Variants in DAB1 observed in about 807,000 individuals in gnomAD.
DAB1 encodes DAB adaptor protein 1.
In DAB1, 15 loss-of-function variants were observed where a neutral mutation model predicts 64.6. The ratio of observed to expected loss-of-function variants is 0.23; its 90% CI spans 0.16 to 0.36. DAB1 has a LOEUF of 0.36. Ranked by LOEUF, DAB1 falls within the 10% of genes least tolerant of loss-of-function variation. The probability of loss-of-function intolerance (pLI) is 1.00; values close to 1 mark genes in which losing one functional copy is unlikely to be tolerated. For missense variants in DAB1, 596 were observed against 706.7 expected (o/e 0.84, Z 1.78); for synonymous variants, 235 against 251.9 (o/e 0.93, Z 0.64).
intron 5 of DAB1, among the ~76,000 whole-genome samples, chr1:57,890,201 G>A (rs962762240): frequency 2.0e-5 from 3 of 152,084 alleles, no homozygotes; most frequent in African/African-American, 2.4e-5. Flanking sequence ...GTGTGGAAAC[G>A]AGAGTTTGGA....
chr1:58,150,871 T>C (rs1654890496), intron 4 of DAB1, among the ~76,000 whole-genome samples: 1 of 151,924 alleles, frequency 6.6e-6, no homozygotes, highest in Admixed American at 6.6e-5. Flanking sequence ...AGCCCTGGTG[T>C]GTGATGTTCC....
chr1:57,697,414 C>A (rs1646857322), intron 6 of DAB1, among the ~76,000 whole-genome samples: 1 of 111,608 alleles, frequency 9.0e-6, no homozygotes. Context: ...ACAATAAGCT[C>A]ACGTTTCTAA....
chr1:57,320,067 A>G (rs1675571375), intron 1 of DAB1, among the ~76,000 whole-genome samples: 1 of 152,158 alleles, frequency 6.6e-6, no homozygotes, highest in Non-Finnish European at 1.5e-5. Context: ...TCCGATAACA[A>G]ATGGCTTTAT....
intron 6 of DAB1, among the ~76,000 whole-genome samples, chr1:57,695,356 A>AAAGAAAGGAAG (rs1557427730): frequency 7.6e-4 from 19 of 25,148 alleles, no homozygotes; most frequent in African/African-American, 1.9e-3. Flanking sequence ...AAGAAAGAAA[A>AAAGAAAGGAAG]GAAAGAAGAA....
intron 1 of DAB1, among the ~76,000 whole-genome samples, chr1:57,312,574 G>A (rs1343648606): frequency 6.6e-6 from 1 of 152,172 alleles, no homozygotes; most frequent in Non-Finnish European, 1.5e-5. Context: ...TAAGTGAAAT[G>A]CCATAGGGAA....
chr1:57,022,545 G>A (rs185834751), intron 11 of DAB1, among the ~76,000 whole-genome samples: 13 of 152,278 alleles, frequency 8.5e-5, no homozygotes, highest in Admixed American at 3.9e-4. Flanking sequence ...AGTAATAACC[G>A]TAACTATTTT....
chr1:57,921,904 A>T (rs1447609452), intron 5 of DAB1, among the ~76,000 whole-genome samples: 1 of 152,076 alleles, frequency 6.6e-6, no homozygotes, highest in Non-Finnish European at 1.5e-5. Context: ...TCCCTTCTTG[A>T]TCTTTCTGCT....
chr1:58,471,270 A>AT (rs1645354936), intron 3 of DAB1, among the ~76,000 whole-genome samples: 1 of 152,182 alleles, frequency 6.6e-6, no homozygotes, highest in African/African-American at 2.4e-5. Flanking sequence ...GATAAAAGAC[A>AT]TAGGTAAAAA....
intron 6 of DAB1, among the ~76,000 whole-genome samples, chr1:57,753,783 T>G (rs966179484): frequency 5.9e-5 from 9 of 152,176 alleles, no homozygotes; most frequent in African/African-American, 2.2e-4. Flanking sequence ...GCAGTGAAGT[T>G]CTGGGACATT....
At chr1:58,010,371 A>C (rs997538004) in intron 5 of DAB1, among the ~76,000 whole-genome samples, 2 of 152,236 alleles carry the variant, frequency 1.3e-5, no homozygotes, top group Non-Finnish European at 2.9e-5. Flanking sequence ...AAGAATTCTC[A>C]GAGCAATTAC....
At chr1:57,695,110 G>A (rs2101719387) in intron 6 of DAB1, among the ~76,000 whole-genome samples, 1 of 151,780 alleles carries the variant, frequency 6.6e-6, no homozygotes, top group South Asian at 2.1e-4. Flanking sequence ...TGTAATCCCA[G>A]CTACTCAGGA....
At chr1:58,525,393 T>C (rs946488627) in intron 2 of DAB1, among the ~76,000 whole-genome samples, 1 of 151,992 alleles carries the variant, frequency 6.6e-6, no homozygotes, top group Admixed American at 6.6e-5. Flanking sequence ...AAGGAAGAAA[T>C]AAAGGTTGCT....
chr1:58,008,713 C>T (rs1646624202), intron 5 of DAB1, among the ~76,000 whole-genome samples: 1 of 152,124 alleles, frequency 6.6e-6, no homozygotes, highest in Non-Finnish European at 1.5e-5. Flanking sequence ...CATCTTCCAC[C>T]TATGAAAGAC....
At chr1:58,241,958 CT>C (rs1171093953) in intron 4 of DAB1, among the ~76,000 whole-genome samples, 1 of 152,084 alleles carries the variant, frequency 6.6e-6, no homozygotes, top group African/African-American at 2.4e-5. Context: ...CTCAGAAATA[CT>C]ACTTTTGGGA....
chr1:57,293,584 C>G (rs1259930749), intron 1 of DAB1, among the ~76,000 whole-genome samples: 2 of 152,096 alleles, frequency 1.3e-5, no homozygotes, highest in African/African-American at 4.8e-5. Flanking sequence ...GCCACCTGGC[C>G]GGTATGTGAC....
chr1:57,482,477 TAAAAAAAAAAAAAAAAA>T (rs918167439), intron 7 of DAB1, among the ~76,000 whole-genome samples: 1 of 61,184 alleles, frequency 1.6e-5, no homozygotes, highest in Non-Finnish European at 3.4e-5. Context: ...CTGAAAGTTG[TAAAAAAAAAAAAAAAAA>T]AAAAAAAAAA....
At chr1:57,542,730 C>T (rs912841951) in intron 7 of DAB1, among the ~76,000 whole-genome samples, 3 of 152,084 alleles carry the variant, frequency 2.0e-5, no homozygotes, top group African/African-American at 7.3e-5. Flanking sequence ...CAGTATTCAG[C>T]CTCCAAGATG....
intron 4 of DAB1, among the ~76,000 whole-genome samples, chr1:58,167,636 C>T (rs1379038433): frequency 6.6e-6 from 1 of 152,232 alleles, no homozygotes; most frequent in African/African-American, 2.4e-5. Context: ...ACAAATCTTG[C>T]TGCTGCTCAC....
intron 6 of DAB1, among the ~76,000 whole-genome samples, chr1:57,739,328 T>G (rs1417029017): frequency 1.3e-5 from 2 of 151,642 alleles, no homozygotes; most frequent in African/African-American, 4.8e-5. Context: ...TTCTTTCTGT[T>G]ACTATCTTTC....
Sources: allele counts gnomAD v4.1 joint callset (sites outside exome capture counted in the v4.1 genomes callset), GRCh38; gene constraint gnomAD v4.1.1; transcripts MANE v1.5; gene names NCBI Gene and HGNC (gene_info 2026-07-23, HGNC 2026-07-21).